The following DCUN1D4 variants were observed in gnomAD, a reference collection of about 807,000 sequenced individuals.
DCUN1D4 encodes the protein defective in cullin neddylation 1 domain containing 4.
Under a neutral mutation model 47.9 loss-of-function variants are expected in DCUN1D4, and 22 were observed. The ratio of observed to expected loss-of-function variants is 0.46; its 90% CI spans 0.33 to 0.66. The LOEUF (loss-of-function observed/expected upper bound fraction) is 0.66, where lower values mean the gene tolerates loss of function less well. Ranked by LOEUF, DCUN1D4 falls within the 30% of genes least tolerant of loss-of-function variation. The pLI, the probability that DCUN1D4 is intolerant of heterozygous loss-of-function variation, is 0.02. For synonymous variants in DCUN1D4, 121 were observed against 112.2 expected (o/e 1.08, Z -0.50); for missense variants, 301 against 340.8 (o/e 0.88, Z 0.92).
In DCUN1D4 at chr4:51,905,039, C is replaced by CT. The variant is rs552504568; in HGVS notation, c.615+5664dup. 1,159 of 298,776 alleles carry CT rather than the reference C, an allele frequency of 3.9e-3. 9 individuals carry two copies. Among genetic ancestry groups the CT allele is most frequent in the Middle Eastern group, 0.023 (19 of 826 alleles). The allele number at this position is 298,776 out of a possible 1,614,324, so 18.5% of individuals were successfully genotyped here. A position where few individuals can be genotyped will look rare whatever the true frequency, so the allele number is the denominator to read the frequency against. On this transcript the variant is annotated intron_variant, in intron 8 of 10. Coordinates refer to ENST00000334635, the MANE Select transcript of DCUN1D4 (RefSeq NM_001040402.3). ...ACACCAGAAAATGATAAAATAGCCCCTTTAACAGCTCTCTACCAAAATTGC... is the reference window on the plus strand; with the variant it reads ...ACACCAGAAAATGATAAAATAGCCCCTTTTAACAGCTCTCTACCAAAATTGC...
At chr4:51,843,100 G>C (rs935146839), upstream of DCUN1D4, 9 of 1,448,114 alleles carry the variant, frequency 6.2e-6, no homozygotes, top group Middle Eastern at 2.4e-4. Flanking sequence ...CCGCGGTTTA[G>C]CCAATGGAGA....
chr4:51,903,828 A>G (rs1258000690), intron 8 of DCUN1D4, among the ~76,000 whole-genome samples: 7 of 152,028 alleles, frequency 4.6e-5, no homozygotes, highest in Admixed American at 4.6e-4. Flanking sequence ...TAAAAGTTCC[A>G]TTTGGGTCTT....
rs538068043 is a variant in DCUN1D4, at chr4:51,868,237, A to C, written c.136+4528A>C. 3.7e-3 allele frequency among the ~76,000 whole-genome samples: 559 copies of C among 152,306 alleles called. 12 individuals carry two copies. The highest frequency in any genetic ancestry group is 1.9e-3 in the Non-Finnish European group (126 of 68,018). On this transcript the variant is annotated intron_variant, in intron 3 of 10. Coordinates refer to ENST00000334635, the MANE Select transcript of DCUN1D4 (RefSeq NM_001040402.3). Reference sequence around the variant, plus strand: ...TCCGCAGCCATGGCTGGGCGGCTGCAGCTGTTCCTGGAAGGGCGAGACTCC... The same window carrying C: ...TCCGCAGCCATGGCTGGGCGGCTGCCGCTGTTCCTGGAAGGGCGAGACTCC...
intron 1 of DCUN1D4, among the ~76,000 whole-genome samples, chr4:51,854,398 A>G (rs770457117): frequency 3.3e-5 from 5 of 152,210 alleles, no homozygotes; most frequent in Non-Finnish European, 5.9e-5. Flanking sequence ...CATATGTACT[A>G]TGATCTTTGA....
At chr4:51,882,216 C>T (rs1389685582) in intron 5 of DCUN1D4, among the ~76,000 whole-genome samples, 5 of 152,184 alleles carry the variant, frequency 3.3e-5, no homozygotes, top group Non-Finnish European at 7.3e-5. Context: ...TAATAACTTA[C>T]ATAACCACTG....
At chr4:51,868,259 C>T (rs1726290274) in intron 3 of DCUN1D4, among the ~76,000 whole-genome samples, 1 of 152,200 alleles carries the variant, frequency 6.6e-6, no homozygotes, top group African/African-American at 2.4e-5. Context: ...AAGGGCGAGA[C>T]TCCTGCCCCC....
At chr4:51,911,949 A>G (rs1162200284) in intron 9 of DCUN1D4, among the ~76,000 whole-genome samples, 1 of 152,192 alleles carries the variant, frequency 6.6e-6, no homozygotes, top group East Asian at 1.9e-4. Flanking sequence ...GCTGGGCCGT[A>G]AGATGACTCT....
chr4:51,838,262 A>G (rs1328646203), upstream of DCUN1D4, among the ~76,000 whole-genome samples: 1 of 152,240 alleles, frequency 6.6e-6, no homozygotes, highest in Non-Finnish European at 1.5e-5. Flanking sequence ...GGTAAAATAA[A>G]TAAGAATTTA....
rs1395670591 is a variant in DCUN1D4, at chr4:51,916,629, A to G, written c.*3045A>G. 2.0e-5 allele frequency: 3 copies of G among 152,572 alleles called. No homozygotes were observed. Among genetic ancestry groups the G allele is most frequent in the Non-Finnish European group, 2.9e-5 (2 of 68,010 alleles). 9.5% of individuals were successfully genotyped at this position (152,572 alleles called of 1,614,324 possible). ...AATTTCTATTGGGGGTTACTGTTCAATGACAGCAGGTAACCTATAACTGTG... is the reference window on the plus strand; with the variant it reads ...AATTTCTATTGGGGGTTACTGTTCAGTGACAGCAGGTAACCTATAACTGTG... On this transcript the variant is annotated 3_prime_UTR_variant, in exon 11 of 11. Coordinates refer to ENST00000334635, the MANE Select transcript of DCUN1D4 (RefSeq NM_001040402.3).
chr4:51,842,609 G>T (rs910113207), upstream of DCUN1D4, among the ~76,000 whole-genome samples: 4 of 152,208 alleles, frequency 2.6e-5, no homozygotes. Flanking sequence ...GTCCGAGTTC[G>T]GCGCGAACTG....
At chr4:51,910,248 A>C (rs1388681936) in intron 8 of DCUN1D4, among the ~76,000 whole-genome samples, 2 of 152,136 alleles carry the variant, frequency 1.3e-5, no homozygotes, top group East Asian at 1.9e-4. Context: ...GTAGTTCTGG[A>C]ATGGAAGCAT....
intron 8 of DCUN1D4, chr4:51,909,346 C>T: frequency 5.1e-6 from 1 of 196,896 alleles, no homozygotes; most frequent in Non-Finnish European, 1.1e-5. Flanking sequence ...TGGACTTTGG[C>T]CGAGTCCTGT....
chr4:51,908,943 C>T (rs760592197), intron 8 of DCUN1D4: 3 of 456,264 alleles, frequency 6.6e-6, no homozygotes, highest in Middle Eastern at 3.3e-4. Context: ...TTAGTGATTG[C>T]GAGCTGCTGG....
chr4:51,889,757 G>A (rs938594072), intron 6 of DCUN1D4, among the ~76,000 whole-genome samples: 2 of 152,094 alleles, frequency 1.3e-5, no homozygotes, highest in African/African-American at 4.8e-5. Flanking sequence ...AGAAACCTGA[G>A]GGATGAGGAG....
At chr4:51,833,892 G>T in the DCUN1D4 span, among the ~76,000 whole-genome samples, 6 of 152,088 alleles carry the variant, frequency 3.9e-5, no homozygotes, top group Non-Finnish European at 4.4e-5. Context: ...GTCAAGGAAG[G>T]CTTAATGGAG....
intron 1 of DCUN1D4, among the ~76,000 whole-genome samples, chr4:51,854,993 C>T (rs1006274825): frequency 6.6e-6 from 1 of 152,150 alleles, no homozygotes; most frequent in East Asian, 1.9e-4. Context: ...CTGAAATGCT[C>T]TGGTCCCAAG....
intron 1 of DCUN1D4, chr4:51,860,425 A>G (rs1724863619): frequency 5.9e-6 from 2 of 339,676 alleles, no homozygotes; most frequent in Non-Finnish European, 1.2e-5. Context: ...AGTCAACATT[A>G]TGAACATCAG....
At chr4:51,898,085 G>T (rs568368268) in intron 7 of DCUN1D4, among the ~76,000 whole-genome samples, 55 of 152,164 alleles carry the variant, frequency 3.6e-4, no homozygotes, top group Non-Finnish European at 6.8e-4. Context: ...GAGGTCTTTA[G>T]AGATCATTCC....
intron 5 of DCUN1D4, among the ~76,000 whole-genome samples, chr4:51,884,173 T>G (rs143612143): frequency 3.8e-4 from 58 of 152,268 alleles, no homozygotes; most frequent in Admixed American, 1.6e-3. Context: ...AGTATTTGCT[T>G]TGGCCAGATT....
Sources: allele counts gnomAD v4.1 joint callset (sites outside exome capture counted in the v4.1 genomes callset), GRCh38; gene constraint gnomAD v4.1.1; transcripts MANE v1.5; gene names NCBI Gene and HGNC (gene_info 2026-07-23, HGNC 2026-07-21).